Variants in NREP observed in about 807,000 individuals in gnomAD.
NREP encodes the protein neuronal regeneration-related protein.
In NREP, 5 loss-of-function variants were observed where a neutral mutation model predicts 8.6. The observed-to-expected ratio is 0.58, with a 90% CI of 0.30 to 1.22. The LOEUF (loss-of-function observed/expected upper bound fraction) is 1.22, where lower values mean the gene tolerates loss of function less well. Among genes scored for constraint, NREP ranks in the 50% most tolerant of loss-of-function variants. NREP has a pLI of 0.07. For missense variants in NREP, 86 were observed against 82.5 expected (o/e 1.04, Z -0.17); for synonymous variants, 27 against 28.0 (o/e 0.96, Z 0.11).
intron 2 of NREP, among the ~76,000 whole-genome samples, chr5:111,855,744 C>T (rs1377264237): frequency 6.6e-6 from 1 of 152,152 alleles, no homozygotes; most frequent in Non-Finnish European, 1.5e-5. Context: ...ACAGACCATC[C>T]TGATCCCACA....
chr5:111,936,244 G>A (rs1755679124), intron 2 of NREP, among the ~76,000 whole-genome samples: 1 of 151,952 alleles, frequency 6.6e-6, no homozygotes, highest in Non-Finnish European at 1.5e-5. Flanking sequence ...GTGGGAGGTG[G>A]CTGGATTATG....
chr5:111,966,844 A>G (rs1370854367), intron 2 of NREP, among the ~76,000 whole-genome samples: 3 of 152,164 alleles, frequency 2.0e-5, no homozygotes, highest in Non-Finnish European at 4.4e-5. Flanking sequence ...TATGTAAGGG[A>G]ACCAAGATCA....
chr5:111,929,639 G>A (rs1413593390), intron 2 of NREP, among the ~76,000 whole-genome samples: 1 of 152,180 alleles, frequency 6.6e-6, no homozygotes, highest in African/African-American at 2.4e-5. Context: ...TAAGAAATGA[G>A]AAATCCACAC....
chr5:111,971,077 T>C (rs1388760599), intron 2 of NREP, among the ~76,000 whole-genome samples: 1 of 152,152 alleles, frequency 6.6e-6, no homozygotes, highest in African/African-American at 2.4e-5. Flanking sequence ...GGTATATATT[T>C]ATTATTTACT....
chr5:111,835,476 A>G (rs1752871069), intron 2 of NREP, among the ~76,000 whole-genome samples: 1 of 152,142 alleles, frequency 6.6e-6, no homozygotes, highest in Admixed American at 6.6e-5. Flanking sequence ...TAGGGGCATG[A>G]ACAGCTCTTC....
intron 2 of NREP, among the ~76,000 whole-genome samples, chr5:111,895,166 G>A (rs1754478834): frequency 6.6e-6 from 1 of 152,218 alleles, no homozygotes; most frequent in South Asian, 2.1e-4. Flanking sequence ...AGAATGGTGT[G>A]TGAAATGAAT....
chr5:111,800,553 C>T (rs1299822060), intron 2 of NREP, among the ~76,000 whole-genome samples: 2 of 152,226 alleles, frequency 1.3e-5, no homozygotes, highest in Admixed American at 6.5e-5. Context: ...CCAGTCATTT[C>T]TTGCCTTTCC....
At chr5:111,800,569 G>T (rs554392764) in intron 2 of NREP, among the ~76,000 whole-genome samples, 1 of 152,302 alleles carries the variant, frequency 6.6e-6, no homozygotes, top group South Asian at 2.1e-4. Flanking sequence ...TTTCCAATTT[G>T]TGTGGAACAT....
intron 2 of NREP, among the ~76,000 whole-genome samples, chr5:111,973,003 G>T (rs575140815): frequency 2.5e-4 from 38 of 152,200 alleles, no homozygotes; most frequent in Non-Finnish European, 4.6e-4. Flanking sequence ...GAGAAGGGTT[G>T]TGTGTAGCTG....
At chr5:111,759,838 G>T (rs1459101623), upstream of NREP, among the ~76,000 whole-genome samples, 1 of 152,176 alleles carries the variant, frequency 6.6e-6, no homozygotes, top group Non-Finnish European at 1.5e-5. Flanking sequence ...TCCTGTAGGT[G>T]TTACAGTAGA....
chr5:111,821,192 C>G (rs559653578), intron 2 of NREP, among the ~76,000 whole-genome samples: 1 of 152,226 alleles, frequency 6.6e-6, no homozygotes, highest in East Asian at 1.9e-4. Context: ...CCTCTAAGAG[C>G]TGTGCAGTGT....
At chr5:111,903,642 G>A (rs1219074657) in intron 2 of NREP, among the ~76,000 whole-genome samples, 4 of 152,060 alleles carry the variant, frequency 2.6e-5, no homozygotes, top group Non-Finnish European at 4.4e-5. Context: ...ATTTTAGGGT[G>A]ATGGTAATTG....
intron 2 of NREP, among the ~76,000 whole-genome samples, chr5:111,871,129 C>T (rs1454369628): frequency 1.4e-5 from 2 of 147,892 alleles, no homozygotes; most frequent in Non-Finnish European, 3.0e-5. Context: ...GTGAGAAAGG[C>T]GTGTTAGGCA....
chr5:111,871,983 C>T (rs1358808724), intron 2 of NREP, among the ~76,000 whole-genome samples: 1 of 149,930 alleles, frequency 6.7e-6, no homozygotes, highest in Non-Finnish European at 1.5e-5. Flanking sequence ...TATATATACA[C>T]ACACATATGT....
chr5:111,755,871 C>G, intron 1 of NREP, 41 bp from the exon 2 acceptor site: 1 of 1,605,980 alleles, frequency 6.2e-7, no homozygotes, highest in Non-Finnish European at 8.5e-7. Context: ...ATCGCCTCAC[C>G]ACAGGTCAGC....
chr5:111,757,901 G>A (rs1324766217), upstream of NREP: 1 of 985,206 alleles, frequency 1.0e-6, no homozygotes, highest in Non-Finnish European at 1.2e-6. Flanking sequence ...CGGCCCGCCA[G>A]GGCCGTGGGG....
chr5:111,810,691 C>A (rs1216785146), intron 2 of NREP, among the ~76,000 whole-genome samples: 1 of 152,134 alleles, frequency 6.6e-6, no homozygotes, highest in Non-Finnish European at 1.5e-5. Flanking sequence ...GTTTCTGGAA[C>A]CCAAATTTTA....
At chr5:111,785,383 A>G (rs1182389619) in intron 2 of NREP, among the ~76,000 whole-genome samples, 1 of 152,056 alleles carries the variant, frequency 6.6e-6, no homozygotes, top group Non-Finnish European at 1.5e-5. Context: ...GGTTCAAGCA[A>G]TTCTCCTGCC....
chr5:111,732,949 C>A (rs1014537783), intron 3 of NREP: 1 of 152,164 alleles, frequency 6.6e-6, no homozygotes, highest in Non-Finnish European at 1.5e-5. Flanking sequence ...ATATACAGAA[C>A]GTTAGTGTAT....
Sources: gnomAD v4.1 joint callset for allele counts (sites outside exome capture counted in the v4.1 genomes callset) on GRCh38, gnomAD v4.1.1 for gene constraint, MANE v1.5 for transcripts, NCBI Gene and HGNC (gene_info 2026-07-23, HGNC 2026-07-21) for gene names.